KIAA0513: variants seen among roughly 807,000 people sequenced by gnomAD.
KIAA0513 encodes KIAA0513.
A neutral mutation model predicts 56.5 loss-of-function variants in KIAA0513; 39 were observed. The ratio of observed to expected loss-of-function variants is 0.69; its 90% CI spans 0.53 to 0.90. The LOEUF (loss-of-function observed/expected upper bound fraction) is 0.90, where lower values mean the gene tolerates loss of function less well. Ranked by LOEUF, KIAA0513 falls within the 40% of genes least tolerant of loss-of-function variation. The pLI, the probability that KIAA0513 is intolerant of heterozygous loss-of-function variation, is 0.00. For missense variants in KIAA0513, 591 were observed against 535.2 expected, an observed-to-expected ratio of 1.10 and a Z score of -1.03; for synonymous variants, 268 against 215.6, an observed-to-expected ratio of 1.24 and a Z score of -2.13.
chr16:85,043,904 T>C (rs2073136974), intron 1 of KIAA0513, among the ~76,000 whole-genome samples: 1 of 152,102 alleles, frequency 6.6e-6, no homozygotes, highest in Admixed American at 6.5e-5. Context: ...AGGTGGCGCA[T>C]GCCTGTAATC....
intron 1 of KIAA0513, among the ~76,000 whole-genome samples, chr16:85,050,275 GA>G (rs887068801): frequency 6.6e-6 from 1 of 151,856 alleles, no homozygotes; most frequent in African/African-American, 2.4e-5. Context: ...GAGAACTTCT[GA>G]AAAAACAAGA....
At chr16:85,047,898 A>T (rs1407501640) in intron 1 of KIAA0513, among the ~76,000 whole-genome samples, 1 of 152,184 alleles carries the variant, frequency 6.6e-6, no homozygotes, top group Non-Finnish European at 1.5e-5. Context: ...TCTACCTGCT[A>T]CTGGTCAATT....
intron 1 of KIAA0513, among the ~76,000 whole-genome samples, chr16:85,063,051 A>C (rs1282723942): frequency 6.6e-6 from 1 of 152,146 alleles, no homozygotes; most frequent in Non-Finnish European, 1.5e-5. Context: ...TGCACGCCAC[A>C]GCTATCGGCG....
chr16:85,047,478 G>A (rs2073187240), intron 1 of KIAA0513, among the ~76,000 whole-genome samples: 3 of 152,310 alleles, frequency 2.0e-5, no homozygotes, highest in Middle Eastern at 6.8e-3. Flanking sequence ...TACTTTTGTG[G>A]CCAAGCAAGA....
chr16:85,074,311 T>TAC (rs376965135), intron 4 of KIAA0513, among the ~76,000 whole-genome samples: 54 of 144,380 alleles, frequency 3.7e-4, no homozygotes, highest in East Asian at 1.0e-3. Flanking sequence ...TATACACACA[T>TAC]ACACACACAC....
In KIAA0513 at chr16:85,091,758, G is replaced by A. The variant is rs1200847238; in HGVS notation, c.*3433G>A. The A allele has an allele frequency of 6.6e-6, 1 of 152,148 alleles. No homozygotes were observed. The highest frequency in any genetic ancestry group is 2.4e-5 in the African/African-American group (1 of 41,412). 9.4% of individuals were successfully genotyped at this position (152,148 alleles called of 1,614,324 possible). ...TGTGAGATTCGCTTTTCCCTAGGCT[G>A]TTCCGCGTGGGTTACCTTATCACCC... On this transcript the variant is annotated 3_prime_UTR_variant, in exon 13 of 13. Coordinates refer to ENST00000683363, the MANE Select transcript of KIAA0513 (RefSeq NM_001388359.1).
rs370377195 is a variant in KIAA0513 at position 85,086,678 on chromosome 16, G to A, written c.1045G>A (p.Asp349Asn). ...KWCHMTQEERDDSLRFNENIT... is the reference protein window; with the variant it reads ...KWCHMTQEERNDSLRFNENIT... ...GTGCCACATGACCCAGGAGGAGCGC[G>A]ACGACAGCCTCCGGTTCAACGAGAA... Residue 349 changes from aspartate (D) to asparagine (N), a missense_variant, in exon 11 of 13, where the codon GAC becomes AAC. Transcript: ENST00000683363. 8.7e-6 allele frequency: 14 copies of A among 1,613,766 alleles called. No individual in the cohort carries two copies. The African/African-American group carries it at 9.3e-5, about 11-fold the overall frequency.
chr16:85,087,017 C>T (rs1193373564), intron 11 of KIAA0513, 55 bp from the exon 12 acceptor site: 6 of 1,540,256 alleles, frequency 3.9e-6, no homozygotes, highest in East Asian at 2.2e-5. Context: ...GCCCAGCTCC[C>T]CGGCCCTTTC....
chr16:85,049,648 T>G (rs2073221138), intron 1 of KIAA0513, among the ~76,000 whole-genome samples: 1 of 152,188 alleles, frequency 6.6e-6, no homozygotes, highest in Admixed American at 6.5e-5. Context: ...GGCTGCTCCC[T>G]CTTAACCTTC....
chr16:85,067,444 G>A (rs778096055), intron 2 of KIAA0513, 44 bp downstream of exon 2: 2 of 1,477,800 alleles, frequency 1.4e-6, no homozygotes, highest in Non-Finnish European at 1.8e-6. Context: ...TGGCCACAGG[G>A]CCCAAGGGGA....
intron 1 of KIAA0513, among the ~76,000 whole-genome samples, chr16:85,043,225 A>G (rs1057391008): frequency 6.6e-6 from 1 of 151,726 alleles, no homozygotes; most frequent in African/African-American, 2.4e-5. Flanking sequence ...TCGATTTACT[A>G]CCCCCAGCTA....
At chr16:85,061,106 T>C (rs552323253) in intron 1 of KIAA0513, among the ~76,000 whole-genome samples, 30 of 149,580 alleles carry the variant, frequency 2.0e-4, no homozygotes, top group African/African-American at 7.4e-4. Context: ...TGAGCCGAGA[T>C]CACGCCACTG....
At chr16:85,083,578 A>G (rs2073773782) in intron 10 of KIAA0513, among the ~76,000 whole-genome samples, 1 of 152,178 alleles carries the variant, frequency 6.6e-6, no homozygotes, top group Non-Finnish European at 1.5e-5. Context: ...GGCTGGGAGC[A>G]TCCCAGCGTC....
intron 1 of KIAA0513, among the ~76,000 whole-genome samples, chr16:85,050,070 C>T (rs1395685347): frequency 2.0e-5 from 3 of 152,026 alleles, no homozygotes; most frequent in Non-Finnish European, 4.4e-5. Context: ...GGTTCTAACA[C>T]GCAGTTGCAA....
intron 1 of KIAA0513, among the ~76,000 whole-genome samples, chr16:85,052,877 A>G (rs905855241): frequency 1.0e-3 from 153 of 152,146 alleles, no homozygotes; most frequent in African/African-American, 3.5e-3. Flanking sequence ...ACTTCGGATC[A>G]AATTTTTATT....
rs1017859662 is a variant in KIAA0513 at position 85,092,030 on chromosome 16, C to T, written c.*3705C>T. Reference sequence around the variant, plus strand: ...CAATCTCTACTCACTGCAACCTCCACCTCCCGGGTTCAAGCAATTCTCCTG... The same window carrying T: ...CAATCTCTACTCACTGCAACCTCCATCTCCCGGGTTCAAGCAATTCTCCTG... On this transcript the variant is annotated 3_prime_UTR_variant, in exon 13 of 13. Transcript: ENST00000683363. The T allele has an allele frequency of 1.3e-5, 2 of 151,794 alleles. No individual in the cohort carries two copies. The highest frequency in any genetic ancestry group is 2.4e-5 in the African/African-American group (1 of 41,266). 9.4% of individuals were successfully genotyped at this position (151,794 alleles called of 1,614,324 possible).
chr16:85,085,438 A>G (rs2073797263), intron 10 of KIAA0513, among the ~76,000 whole-genome samples: 2 of 152,076 alleles, frequency 1.3e-5, no homozygotes, highest in African/African-American at 4.8e-5. Flanking sequence ...CATGATCCCA[A>G]CCTCTCACCC....
chr16:85,079,018 G>A lies in KIAA0513; in HGVS notation c.902+15G>A, dbSNP rs368550821. 6.8e-5 allele frequency: 110 copies of A among 1,613,696 alleles called. No individual in the cohort carries two copies. The highest frequency in any genetic ancestry group is 1.3e-4 in the East Asian group (6 of 44,866). ...CAGCCCATCTGGTAAGGCCGAGCCC[G>A]CGGCTTCCCGTCACCCTCTTACTGA... On this transcript the variant is annotated intron_variant, in intron 8 of 12. Coordinates refer to ENST00000683363, the MANE Select transcript of KIAA0513 (RefSeq NM_001388359.1).
chr16:85,070,125 C>T (rs778095112), intron 2 of KIAA0513, among the ~76,000 whole-genome samples: 3 of 149,620 alleles, frequency 2.0e-5, no homozygotes, highest in Non-Finnish European at 3.0e-5. Flanking sequence ...GAACCGTGAT[C>T]GGACTACTGC....
Sources: allele counts gnomAD v4.1 joint callset (sites outside exome capture counted in the v4.1 genomes callset), GRCh38; gene constraint gnomAD v4.1.1; transcripts MANE v1.5; gene names NCBI Gene and HGNC (gene_info 2026-07-23, HGNC 2026-07-21).